Variants in TMEM132C observed in about 807,000 individuals in gnomAD.
TMEM132C encodes protein phosphatase 1, regulatory subunit 152.
A neutral mutation model predicts 61.4 loss-of-function variants in TMEM132C; 29 were observed. That is an observed-to-expected ratio of 0.47 (90% CI 0.35 to 0.64). The LOEUF (loss-of-function observed/expected upper bound fraction) is 0.64, where lower values mean the gene tolerates loss of function less well. Among genes scored for constraint, TMEM132C ranks in the 30% least tolerant of loss-of-function variants. TMEM132C has a pLI of 0.00. For synonymous variants in TMEM132C, 656 were observed against 633.1 expected (o/e 1.04, Z -0.54); for missense variants, 1,408 against 1,476.9 (o/e 0.95, Z 0.76).
chr12:128,343,617 A>G (rs1873050516), intron 1 of TMEM132C, among the ~76,000 whole-genome samples: 2 of 152,158 alleles, frequency 1.3e-5, no homozygotes, highest in Non-Finnish European at 2.9e-5. Context: ...CATAATTTAC[A>G]TGCATAAAAT....
In TMEM132C at chr12:128,278,752, G is replaced by GTGTGTT. The variant is rs1157283792; in HGVS notation, c.85+11270_85+11271insTTGTGT. Among the ~76,000 whole-genome samples, 14 of 78,786 alleles carry GTGTGTT rather than the reference G, an allele frequency of 1.8e-4. No individual in the cohort carries two copies. The East Asian group carries it at 7.3e-3, about 41-fold the overall frequency. The allele number at this position is 78,786 out of a possible 152,430, so 51.7% of individuals were successfully genotyped here. ...TGCAGACTTGATTCTATACGTGTAT[G>GTGTGTT]TGTGTGTGTGTGTGTGTGTGTGTGT... On this transcript the variant is annotated intron_variant, in intron 1 of 8. Transcript: ENST00000435159. The surrounding 1 kb of genome is among the most constrained non-coding windows in gnomAD (Gnocchi z 4.2).
chr12:128,609,062 G>T (rs1876524044), intron 3 of TMEM132C, among the ~76,000 whole-genome samples: 1 of 151,978 alleles, frequency 6.6e-6, no homozygotes, highest in Non-Finnish European at 1.5e-5. Context: ...AGGCTGCAGT[G>T]CAGTGGCCAG....
At chr12:128,359,315 A>G (rs1426510724) in intron 1 of TMEM132C, among the ~76,000 whole-genome samples, 1 of 152,174 alleles carries the variant, frequency 6.6e-6, no homozygotes, top group Non-Finnish European at 1.5e-5. Context: ...TACATGGTGG[A>G]AGACAAGAGA....
intron 2 of TMEM132C, among the ~76,000 whole-genome samples, chr12:128,530,750 A>G (rs1450596473): frequency 6.6e-6 from 1 of 152,090 alleles, no homozygotes; most frequent in Non-Finnish European, 1.5e-5. Flanking sequence ...GCCTCCAATA[A>G]CACTTCTTTA....
intron 1 of TMEM132C, among the ~76,000 whole-genome samples, chr12:128,339,119 G>A (rs1186441210): frequency 2.0e-5 from 3 of 152,084 alleles, no homozygotes; most frequent in Non-Finnish European, 4.4e-5. Flanking sequence ...TTGTTAGAGT[G>A]GGCGTCTGTG....
intron 2 of TMEM132C, among the ~76,000 whole-genome samples, chr12:128,454,218 T>G (rs563635389): frequency 4.6e-5 from 7 of 152,350 alleles, no homozygotes; most frequent in South Asian, 2.1e-4. Flanking sequence ...TATCAAGTCC[T>G]TATTATATGC....
intron 1 of TMEM132C, among the ~76,000 whole-genome samples, chr12:128,314,237 T>A (rs1593007642): frequency 6.6e-6 from 1 of 152,136 alleles, no homozygotes; most frequent in Non-Finnish European, 1.5e-5. Context: ...AGAAATGTGT[T>A]GTCCATTTCT....
intron 2 of TMEM132C, among the ~76,000 whole-genome samples, chr12:128,535,437 C>T (rs545646951): frequency 6.6e-6 from 1 of 152,268 alleles, no homozygotes; most frequent in East Asian, 1.9e-4. Context: ...AGGATATGAA[C>T]AGACACTTCG....
chr12:128,381,056 G>A (rs946994620), intron 1 of TMEM132C, among the ~76,000 whole-genome samples: 7 of 152,140 alleles, frequency 4.6e-5, no homozygotes, highest in African/African-American at 7.2e-5. Context: ...CAGCAAAATC[G>A]CCAAAAGAAA....
chr12:128,287,856 C>T (rs1871121910), intron 1 of TMEM132C, among the ~76,000 whole-genome samples: 2 of 152,052 alleles, frequency 1.3e-5, no homozygotes, highest in African/African-American at 2.4e-5. Context: ...ATAACTCTGA[C>T]GTGTTTGAAG....
chr12:128,448,434 C>A (rs145131039), intron 2 of TMEM132C, among the ~76,000 whole-genome samples: 1 of 152,136 alleles, frequency 6.6e-6, no homozygotes, highest in African/African-American at 2.4e-5. Context: ...TTATAGGGGT[C>A]GACTGGCTAT....
intron 1 of TMEM132C, among the ~76,000 whole-genome samples, chr12:128,267,762 G>A (rs1311045400): frequency 1.3e-5 from 2 of 152,174 alleles, no homozygotes; most frequent in Non-Finnish European, 2.9e-5. Flanking sequence ...GATGAGGAGG[G>A]GGCGTGGCTG....
At chr12:128,477,533 A>G (rs868604561) in intron 2 of TMEM132C, among the ~76,000 whole-genome samples, 5 of 152,208 alleles carry the variant, frequency 3.3e-5, no homozygotes, top group South Asian at 2.1e-4. Context: ...CAACTAATAC[A>G]GTATATTCTG....
At chr12:128,334,283 A>G (rs567611341) in intron 1 of TMEM132C, among the ~76,000 whole-genome samples, 6 of 152,218 alleles carry the variant, frequency 3.9e-5, no homozygotes, top group Admixed American at 2.6e-4. Flanking sequence ...AGCCCAGCCC[A>G]TCTCCACAGA....
intron 1 of TMEM132C, among the ~76,000 whole-genome samples, chr12:128,384,118 A>G (rs1285355311): frequency 2.6e-5 from 4 of 152,236 alleles, no homozygotes; most frequent in African/African-American, 9.6e-5. Context: ...AAAAGGGGAC[A>G]AGGGAAGAGT....
intron 1 of TMEM132C, among the ~76,000 whole-genome samples, chr12:128,316,095 C>G (rs1472081860): frequency 5.3e-5 from 8 of 151,748 alleles, no homozygotes; most frequent in Non-Finnish European, 1.2e-4. Flanking sequence ...AATAAATCCC[C>G]CAAGCAGGAG....
intron 2 of TMEM132C, among the ~76,000 whole-genome samples, chr12:128,423,769 C>A (rs117469782): frequency 6.6e-6 from 1 of 151,828 alleles, no homozygotes; most frequent in African/African-American, 2.4e-5. Flanking sequence ...GATGGTGGCT[C>A]ACACCTGTAA....
intron 3 of TMEM132C, among the ~76,000 whole-genome samples, chr12:128,588,471 G>A (rs1260685497): frequency 6.6e-6 from 1 of 152,098 alleles, no homozygotes; most frequent in East Asian, 1.9e-4. Flanking sequence ...TTTCCAATAT[G>A]TGTGTGTGTT....
In TMEM132C at chr12:128,267,261, C is replaced by A. The variant is rs1870335066; in HGVS notation, c.-142C>A. The A allele has an allele frequency of 1.5e-5, 5 of 331,976 alleles. No homozygotes were observed. Among genetic ancestry groups the A allele is most frequent in the Non-Finnish European group, 2.1e-5 (5 of 234,542 alleles). 20.6% of individuals were successfully genotyped at this position (331,976 alleles called of 1,614,324 possible). On this transcript the variant is annotated 5_prime_UTR_variant, in exon 1 of 9. Transcript: ENST00000435159. ...TGCGGCGGCGTGGACCCGGCAGGGG[C>A]GGGCCTCGGACAGCAGAGACGCAGC...
Sources: gnomAD v4.1 joint callset for allele counts (sites outside exome capture counted in the v4.1 genomes callset) on GRCh38, gnomAD v4.1.1 for gene constraint, Gnocchi (gnomAD v3.1) non-coding constraint, MANE v1.5 for transcripts, NCBI Gene and HGNC (gene_info 2026-07-23, HGNC 2026-07-21) for gene names.